The following FOXJ2 variants were observed in gnomAD, a reference collection of about 807,000 sequenced individuals.
FOXJ2 encodes the protein forkhead box protein J2.
Under a neutral mutation model 68.4 loss-of-function variants are expected in FOXJ2, and 18 were observed. That is an observed-to-expected ratio of 0.26 (90% CI 0.18 to 0.39). The LOEUF (loss-of-function observed/expected upper bound fraction) is 0.39. Among genes scored for constraint, FOXJ2 ranks in the 10% least tolerant of loss-of-function variants. FOXJ2 has a pLI of 1.00. For missense variants in FOXJ2, 670 were observed against 726.5 expected (o/e 0.92, Z 0.89); for synonymous variants, 274 against 263.2 (o/e 1.04, Z -0.40).
chr12:8,050,899 CCCCTT>C (rs1159052549), intron 10 of FOXJ2, among the ~76,000 whole-genome samples: 1 of 59,082 alleles, frequency 1.7e-5, no homozygotes, highest in African/African-American at 5.0e-5. Flanking sequence ...CCCTTCCCTT[CCCCTT>C]CCCTTCCCTT....
At position 8,043,938 on chromosome 12, in the gene FOXJ2, T is replaced by C; in HGVS notation, c.478-13T>C. 4 of 1,547,200 alleles carry C rather than the reference T, an allele frequency of 2.6e-6. No individual in the cohort carries two copies. Among genetic ancestry groups the C allele is most frequent in the Non-Finnish European group, 3.5e-6 (4 of 1,150,714 alleles). On this transcript the variant is annotated splice_polypyrimidine_tract_variant and intron_variant, in intron 4 of 10. Transcript: ENST00000162391. ...CCTCTGCTTATAGATTTCTTTTTTTTCACAACCCTCAGCTGTCCCAAGACT... is the reference window on the plus strand; with the variant it reads ...CCTCTGCTTATAGATTTCTTTTTTTCCACAACCCTCAGCTGTCCCAAGACT...
chr12:8,048,210 C>G lies in FOXJ2; in HGVS notation c.1146C>G (p.Pro382=). 2 of 1,610,192 alleles carry G rather than the reference C, an allele frequency of 1.2e-6. No homozygotes were observed. Among genetic ancestry groups the G allele is most frequent in the Non-Finnish European group, 1.7e-6 (2 of 1,177,940 alleles). Reference sequence around the variant, plus strand: ...GCTACCACCCTCATCAGCACCATCCCCACTCCCACCCTGCCCAGCAGCCAC... The same window carrying G: ...GCTACCACCCTCATCAGCACCATCCGCACTCCCACCCTGCCCAGCAGCCAC... The part of the protein sequence containing the change: ...HGGYHPHQHH[P]HSHPAQQPPP... Residue 382 remains proline, a synonymous_variant, in exon 7 of 11, where the codon CCC becomes CCG. Coordinates refer to ENST00000162391, the MANE Select transcript of FOXJ2 (RefSeq NM_018416.3).
In FOXJ2 at chr12:8,033,092, G is replaced by A. The variant is rs1482341143; in HGVS notation, c.-756G>A. On this transcript the variant is annotated 5_prime_UTR_variant, in exon 1 of 11. Transcript: ENST00000162391. ...TGAGGGAAAGAAGAGACCCCTGGAG[G>A]GGACGCCTCTCTCCTGCCTAGAGGC... The A allele has an allele frequency of 2.6e-6, 1 of 385,580 alleles. No individual in the cohort carries two copies. Among genetic ancestry groups the A allele is most frequent in the South Asian group, 1.5e-4 (1 of 6,896 alleles). 23.9% of individuals were successfully genotyped at this position (385,580 alleles called of 1,614,324 possible). A position where few individuals can be genotyped will look rare whatever the true frequency, so the allele number is the denominator to read the frequency against.
Position 8,054,910 on chromosome 12 carries a change from C to A in FOXJ2, c.*2060C>A, listed in dbSNP as rs1591583821. On this transcript the variant is annotated 3_prime_UTR_variant, in exon 11 of 11. Transcript: ENST00000162391. Reference sequence around the variant, plus strand: ...TCTAAACCCTTTTCCTGTTCAGATCCATACAGGATTTGCAAGGGTAGGATC... The same window carrying A: ...TCTAAACCCTTTTCCTGTTCAGATCAATACAGGATTTGCAAGGGTAGGATC... 1 of 152,212 alleles carries A rather than the reference C, an allele frequency of 6.6e-6. No individual in the cohort carries two copies. The highest frequency in any genetic ancestry group is 2.4e-5 in the African/African-American group (1 of 41,446). The allele number at this position is 152,212 out of a possible 1,614,324, so 9.4% of individuals were successfully genotyped here. A position where few individuals can be genotyped will look rare whatever the true frequency, so the allele number is the denominator to read the frequency against.
intron 5 of FOXJ2, among the ~76,000 whole-genome samples, chr12:8,044,538 GAAAC>G (rs754665440): frequency 5.1e-4 from 77 of 152,160 alleles, no homozygotes; most frequent in Middle Eastern, 3.4e-3. Context: ...CCCTGCCTCA[GAAAC>G]AAACAAACAA....
At chr12:8,043,563 C>T in intron 3 of FOXJ2, 138 bp from the exon 4 acceptor site, 1 of 805,196 alleles carries the variant, frequency 1.2e-6, no homozygotes, top group Non-Finnish European at 2.1e-6. Context: ...CAATCGAGGC[C>T]TGTGTTTGGA....
chr12:8,047,449 C>CA (rs1190764718), intron 6 of FOXJ2, among the ~76,000 whole-genome samples: 3 of 150,400 alleles, frequency 2.0e-5, no homozygotes, highest in Non-Finnish European at 3.0e-5. Flanking sequence ...AACTCTGTCT[C>CA]AAAAAACAAA....
rs757807691 is a variant in FOXJ2 at position 8,052,856 on chromosome 12, C to T, written c.*6C>T. On this transcript the variant is annotated 3_prime_UTR_variant, in exon 11 of 11. Transcript: ENST00000162391. ...ACTGGGACTTGATCACTTAGTGCAT[C>T]ACAGAGTGTGGACATCAGCCCAGGG... is the stretch of plus-strand genomic sequence containing the variant. 1 of 1,600,408 alleles carries T rather than the reference C, an allele frequency of 6.2e-7. No individual in the cohort carries two copies.
At chr12:8,050,718 A>G in intron 10 of FOXJ2, 98 bp downstream of exon 10, 1 of 1,360,048 alleles carries the variant, frequency 7.4e-7, no homozygotes. Context: ...TTTTGCCTGC[A>G]TCTCGCTGGA....
chr12:8,039,849 A>C lies in FOXJ2; in HGVS notation c.17A>C (p.Glu6Ala), dbSNP rs748837550. ...AGAAGTACCATGGCTTCTGACCTAG[A>C]GAGTAGCCTCACCTCCATAGACTGG... MASDL[E>A]SSLTSIDWLP... The change falls in exon 2 of 11, where the codon GAG (glutamate) becomes GCG (alanine). Residue 6 changes from glutamate to alanine, a missense_variant. Transcript: ENST00000162391. 3.1e-6 allele frequency: 5 copies of C among 1,613,670 alleles called. No homozygotes were observed. Among genetic ancestry groups the C allele is most frequent in the Non-Finnish European group, 4.2e-6 (5 of 1,179,826 alleles).
chr12:8,039,316 G>A (rs1484506265), intron 1 of FOXJ2, among the ~76,000 whole-genome samples: 2 of 152,128 alleles, frequency 1.3e-5, no homozygotes, highest in Non-Finnish European at 2.9e-5. Flanking sequence ...ATCTTTAGAC[G>A]TGTTGGTGTG....
At chr12:8,045,066 CAG>C in intron 6 of FOXJ2, 108 bp downstream of exon 6, 1 of 1,132,888 alleles carries the variant, frequency 8.8e-7, no homozygotes, top group East Asian at 2.4e-5. Flanking sequence ...TTTTGTGAGA[CAG>C]GGTCTCACTC....
Position 8,055,123 on chromosome 12 carries a change from T to G in FOXJ2, c.*2273T>G, listed in dbSNP as rs1947171207. 6.6e-6 allele frequency: 1 copy of G among 152,626 alleles called. No homozygotes were observed. Among genetic ancestry groups the G allele is most frequent in the Admixed American group, 6.5e-5 (1 of 15,286 alleles). The allele number at this position is 152,626 out of a possible 1,614,324, so 9.5% of individuals were successfully genotyped here. A position where few individuals can be genotyped will look rare whatever the true frequency, so the allele number is the denominator to read the frequency against. On this transcript the variant is annotated 3_prime_UTR_variant, in exon 11 of 11. Coordinates refer to ENST00000162391, the MANE Select transcript of FOXJ2 (RefSeq NM_018416.3). ...GTGGCACAGGGCAAACCTGACTCCCTTTGGGCCTCAGTTTCCCCTCCCCTT... is the reference window on the plus strand; with the variant it reads ...GTGGCACAGGGCAAACCTGACTCCCGTTGGGCCTCAGTTTCCCCTCCCCTT...
At chr12:8,037,967 G>A (rs145644973) in intron 1 of FOXJ2, among the ~76,000 whole-genome samples, 239 of 152,244 alleles carry the variant, frequency 1.6e-3, no homozygotes, top group African/African-American at 5.6e-3. Flanking sequence ...GAGGATAGTG[G>A]GAGAGAAGCT....
At position 8,055,020 on chromosome 12, in the gene FOXJ2, G is replaced by A. The variant is rs1591583882; in HGVS notation, c.*2170G>A. 6.6e-6 allele frequency: 1 copy of A among 152,246 alleles called. No individual in the cohort carries two copies. The highest frequency in any genetic ancestry group is 2.1e-4 in the South Asian group (1 of 4,834). 9.4% of individuals were successfully genotyped at this position (152,246 alleles called of 1,614,324 possible). On this transcript the variant is annotated 3_prime_UTR_variant, in exon 11 of 11. Coordinates refer to ENST00000162391, the MANE Select transcript of FOXJ2 (RefSeq NM_018416.3). The stretch of plus-strand genomic sequence containing the variant: ...CTGGCGTGCAGCCAGGGTAGCTGAA[G>A]TTTGGGTCTGGGACTGGAGATTGGC...
At chr12:8,039,767 T>C (rs1178818286) in intron 1 of FOXJ2, 52 bp from the exon 2 acceptor site, 1 of 1,438,264 alleles carries the variant, frequency 7.0e-7, no homozygotes, top group African/African-American at 1.4e-5. Context: ...ACAAAAGGAT[T>C]TGAGTATTAC....
Position 8,033,769 on chromosome 12 carries a change from C to A in FOXJ2, c.-79C>A, listed in dbSNP as rs1946865239. ...GTCACCTGCCTCTGAAGAGGGGAAT[C>A]CCTCCAACCCCAAACTCCAGTACCA... On this transcript the variant is annotated 5_prime_UTR_variant, in exon 1 of 11. Coordinates refer to ENST00000162391, the MANE Select transcript of FOXJ2 (RefSeq NM_018416.3). 1.3e-5 allele frequency: 2 copies of A among 152,736 alleles called. No individual in the cohort carries two copies. The allele number at this position is 152,736 out of a possible 1,614,324, so 9.5% of individuals were successfully genotyped here. A position where few individuals can be genotyped will look rare whatever the true frequency, so the allele number is the denominator to read the frequency against.
chr12:8,043,217 C>CAAA (rs11423157), intron 3 of FOXJ2, among the ~76,000 whole-genome samples: 1,035 of 57,738 alleles, frequency 0.018, 41 homozygotes, highest in African/African-American at 0.049. Flanking sequence ...AACTCCATCT[C>CAAA]AAAAAAAAAA....
chr12:8,042,613 G>T, intron 2 of FOXJ2, 45 bp from the exon 3 acceptor site: 1 of 1,518,802 alleles, frequency 6.6e-7, no homozygotes, highest in Non-Finnish European at 9.1e-7. Flanking sequence ...AAAATGTTCT[G>T]CTCTGCATAA....
Sources: allele counts gnomAD v4.1 joint callset (sites outside exome capture counted in the v4.1 genomes callset), GRCh38; gene constraint gnomAD v4.1.1; transcripts MANE v1.5; gene names NCBI Gene and HGNC (gene_info 2026-07-23, HGNC 2026-07-21).